The following RPS6KA2 variants were observed in gnomAD, a reference collection of about 807,000 sequenced individuals.
RPS6KA2 encodes the protein ribosomal protein S6 kinase A2, also known as ribosomal protein S6 kinase alpha-2.
RPS6KA2 carries 42 observed loss-of-function variants against 91.8 expected under a neutral mutation model. That is an observed-to-expected ratio of 0.46 (90% CI 0.36 to 0.59). The LOEUF is 0.59. Ranked by LOEUF, RPS6KA2 falls within the 20% of genes least tolerant of loss-of-function variation. RPS6KA2 has a pLI of 0.00. For synonymous variants in RPS6KA2, 414 were observed against 393.6 expected, an observed-to-expected ratio of 1.05 and a Z score of -0.61; for missense variants, 798 against 978.5, an observed-to-expected ratio of 0.82 and a Z score of 2.46.
At chr6:166,538,542 GT>G (rs1432178072) in intron 2 of RPS6KA2, 125 bp downstream of exon 2, 12 of 632,606 alleles carry the variant, frequency 1.9e-5, no homozygotes, top group East Asian at 1.9e-4. Context: ...GTTCTGAACT[GT>G]CCAGGTTCCC....
rs141808574 is a variant in RPS6KA2, at chr6:166,852,245, C to T, written c.123+5955G>A. On this transcript the variant is annotated intron_variant, in intron 2 of 21. Transcript: ENST00000503859. This position sits in a 1 kb window ranked among gnomAD's most constrained non-coding sequence, Gnocchi z 4.1. ...ATGTAACACCAGCTTTCAGAGACGC[C>T]ACAGAGACAGATTCACAGGAGGTAA... Among the ~76,000 whole-genome samples, 2 of 152,286 alleles carry T rather than the reference C, an allele frequency of 1.3e-5. No homozygotes were observed. Among genetic ancestry groups the T allele is most frequent in the African/African-American group, 2.4e-5 (1 of 41,550 alleles).
chr6:166,497,375 G>A (rs969000109), intron 8 of RPS6KA2, among the ~76,000 whole-genome samples: 22 of 152,384 alleles, frequency 1.4e-4, no homozygotes, highest in African/African-American at 4.8e-4. Flanking sequence ...GACCAGGGAC[G>A]GAAGGGGCTT....
chr6:166,807,996 C>A (rs941365830), intron 2 of RPS6KA2, among the ~76,000 whole-genome samples: 3 of 152,124 alleles, frequency 2.0e-5, no homozygotes, highest in Admixed American at 2.0e-4. Context: ...GGACCCATGG[C>A]TCCACTGATG....
At chr6:166,610,745 A>G (rs1414497172) in intron 1 of RPS6KA2, among the ~76,000 whole-genome samples, 2 of 152,260 alleles carry the variant, frequency 1.3e-5, no homozygotes, top group Non-Finnish European at 2.9e-5. Flanking sequence ...TAATGTTACC[A>G]TGTTTTCATA....
At position 166,538,932 on chromosome 6, in the gene RPS6KA2, G is replaced by T. The variant is rs545111387; in HGVS notation, c.100-148C>A. 585 of 493,174 alleles carry T rather than the reference G, an allele frequency of 1.2e-3. 3 individuals are homozygous for T. Among genetic ancestry groups the T allele is most frequent in the African/African-American group, 0.011 (537 of 50,586 alleles). 30.5% of individuals were successfully genotyped at this position (493,174 alleles called of 1,614,324 possible). On this transcript the variant is annotated intron_variant, in intron 1 of 20. Coordinates refer to ENST00000265678, the MANE Select transcript of RPS6KA2 (RefSeq NM_021135.6). ...GAAAGTGGAGACACCATTTAGTTGT[G>T]TTTTTTTCTTTTTTTTTTCTTAAGA...
At chr6:166,562,414 C>T (rs11969154) in intron 1 of RPS6KA2, among the ~76,000 whole-genome samples, 7,304 of 152,244 alleles carry the variant, frequency 0.048, 590 homozygotes, top group African/African-American at 0.16. Context: ...TATGTGCATA[C>T]ATACATAGCA....
At chr6:166,485,995 C>T (rs949764391) in intron 10 of RPS6KA2, among the ~76,000 whole-genome samples, 1 of 152,196 alleles carries the variant, frequency 6.6e-6, no homozygotes, top group Non-Finnish European at 1.5e-5. Context: ...CACTGTGTAA[C>T]CGTGGGTGTG....
intron 2 of RPS6KA2, among the ~76,000 whole-genome samples, chr6:166,696,449 T>C (rs2128573451): frequency 6.6e-6 from 1 of 152,268 alleles, no homozygotes; most frequent in Non-Finnish European, 1.5e-5. Context: ...AAACCTTTAT[T>C]CTAATATTCC....
intron 17 of RPS6KA2, among the ~76,000 whole-genome samples, chr6:166,422,871 G>A (rs1778773453): frequency 6.6e-6 from 1 of 152,128 alleles, no homozygotes; most frequent in Non-Finnish European, 1.5e-5. Context: ...TGCTCCCTGC[G>A]CTATGACGGA....
intron 12 of RPS6KA2, among the ~76,000 whole-genome samples, chr6:166,451,947 A>G (rs957900051): frequency 2.0e-5 from 3 of 152,242 alleles, no homozygotes; most frequent in African/African-American, 4.8e-5. Flanking sequence ...TACATAACAG[A>G]TGAGAGGTTA....
In RPS6KA2 at chr6:166,845,964, G is replaced by A. The variant is rs181909831; in HGVS notation, c.123+12236C>T. ...TAAATAAAATCAATAGATCATTAGC[G>A]AGATTAACCAAGAAAAAAAGAGAAA... On this transcript the variant is annotated intron_variant, in intron 2 of 21. Transcript: ENST00000503859. Among the ~76,000 whole-genome samples the A allele has an allele frequency of 5.1e-3, 774 of 151,952 alleles. 14 individuals carry two copies. The highest frequency in any genetic ancestry group is 0.018 in the African/African-American group (729 of 41,484).
At chr6:166,464,986 TTAAAAAAA>T (rs1163750205) in intron 11 of RPS6KA2, among the ~76,000 whole-genome samples, 1 of 131,626 alleles carries the variant, frequency 7.6e-6, no homozygotes, top group Non-Finnish European at 1.6e-5. Flanking sequence ...AGGTGTTTAC[TTAAAAAAA>T]TAAATAAATA....
chr6:166,679,648 C>T (rs78810783), intron 2 of RPS6KA2, among the ~76,000 whole-genome samples: 1,857 of 152,300 alleles, frequency 0.012, 16 homozygotes, highest in Non-Finnish European at 0.016. Context: ...CGGCGCTCCT[C>T]GATCTGGCCG....
At chr6:166,830,048 C>G (rs909341598) in intron 2 of RPS6KA2, among the ~76,000 whole-genome samples, 16 of 150,944 alleles carry the variant, frequency 1.1e-4, no homozygotes, top group African/African-American at 3.4e-4. Context: ...ATCGCTTGAA[C>G]CTGGGAGGCG....
rs1784452457 is a variant in RPS6KA2 at position 166,565,001 on chromosome 6, A to C, written c.100-26217T>G. Among the ~76,000 whole-genome samples, 8 of 152,306 alleles carry C rather than the reference A, an allele frequency of 5.3e-5. No homozygotes were observed. The South Asian group carries it at 1.7e-3, about 32-fold the overall frequency. On this transcript the variant is annotated intron_variant, in intron 1 of 20. Transcript: ENST00000265678. ...TTTTAATTACCCTTATGAGGTGTTC[A>C]CGTGGTTCCCCATTCAGAGTCTACA...
Position 166,648,035 on chromosome 6 carries a change from T to C in RPS6KA2, c.124-109251A>G, listed in dbSNP as rs2345250. On this transcript the variant is annotated intron_variant, in intron 2 of 21. Transcript: ENST00000503859. This position sits in a 1 kb window ranked among gnomAD's most constrained non-coding sequence, Gnocchi z 4.8. ...ATGCTTACACACATACATACACACATGCTCTCACACACATGCACATGCTCA... is the reference window on the plus strand; with the variant it reads ...ATGCTTACACACATACATACACACACGCTCTCACACACATGCACATGCTCA... 0.2 allele frequency among the ~76,000 whole-genome samples: 18,392 copies of C among 94,138 alleles called. 1,300 individuals carry two copies. Among genetic ancestry groups the C allele is most frequent in the East Asian group, 0.33 (944 of 2,900 alleles). The allele number at this position is 94,138 out of a possible 152,430, so 61.8% of individuals were successfully genotyped here.
intron 1 of RPS6KA2, among the ~76,000 whole-genome samples, chr6:166,597,006 G>A (rs189642582): frequency 6.6e-6 from 1 of 152,310 alleles, no homozygotes; most frequent in Admixed American, 6.5e-5. Flanking sequence ...CCTGGGTGAT[G>A]GGCACATGTG....
intron 2 of RPS6KA2, among the ~76,000 whole-genome samples, chr6:166,689,434 G>A (rs1789133233): frequency 6.6e-6 from 1 of 152,220 alleles, no homozygotes; most frequent in Non-Finnish European, 1.5e-5. Flanking sequence ...GACCACAGTG[G>A]AACAAACAAT....
chr6:166,651,035 T>TG (rs372842313), intron 2 of RPS6KA2, among the ~76,000 whole-genome samples: 20 of 152,334 alleles, frequency 1.3e-4, no homozygotes, highest in Middle Eastern at 3.4e-3. Context: ...GATGTGGTTG[T>TG]GTTACCCAGA....
Sources: gnomAD v4.1 joint callset for allele counts (sites outside exome capture counted in the v4.1 genomes callset) on GRCh38, gnomAD v4.1.1 for gene constraint, Gnocchi (gnomAD v3.1) non-coding constraint, MANE v1.5 for transcripts, NCBI Gene and HGNC (gene_info 2026-07-23, HGNC 2026-07-21) for gene names.